The following ZMYND8 variants were observed in gnomAD, a reference collection of about 807,000 sequenced individuals.
ZMYND8 encodes zinc finger MYND-type containing 8, also known as MYND-type zinc finger-containing chromatin reader ZMYND8.
ZMYND8 carries 37 observed loss-of-function variants against 140.8 expected under a neutral mutation model. The ratio of observed to expected loss-of-function variants is 0.26; its 90% CI spans 0.20 to 0.35. The LOEUF (loss-of-function observed/expected upper bound fraction) is 0.35, where lower values mean the gene tolerates loss of function less well. ZMYND8 is among the 10% of genes least tolerant of loss of function. ZMYND8 has a pLI of 1.00. For missense variants in ZMYND8, 1,068 were observed against 1,570.0 expected (o/e 0.68, Z 5.40); for synonymous variants, 592 against 597.1 (o/e 0.99, Z 0.12).
At chr20:47,249,614 A>T (rs1052675551) in intron 12 of ZMYND8, among the ~76,000 whole-genome samples, 175 bp from the exon 13 acceptor site, 5 of 152,138 alleles carry the variant, frequency 3.3e-5, no homozygotes, top group African/African-American at 7.2e-5. Flanking sequence ...GGTGACATGA[A>T]GATAATGGCC....
chr20:47,310,497 T>TA (rs922967419), intron 2 of ZMYND8, among the ~76,000 whole-genome samples: 2 of 151,948 alleles, frequency 1.3e-5, no homozygotes, highest in South Asian at 2.1e-4. Flanking sequence ...TCACTTTTCT[T>TA]AAAAAAACAG....
chr20:47,293,795 C>T (rs1317931650), intron 5 of ZMYND8, among the ~76,000 whole-genome samples: 1 of 152,074 alleles, frequency 6.6e-6, no homozygotes, highest in Non-Finnish European at 1.5e-5. Context: ...CCCCACCCAA[C>T]CTCATCTCAA....
chr20:47,276,834 C>G (rs1235648134), intron 10 of ZMYND8, 39 bp from the exon 11 acceptor site: 3 of 1,491,084 alleles, frequency 2.0e-6, no homozygotes, highest in Non-Finnish European at 2.7e-6. Flanking sequence ...AAGTCAACTT[C>G]AGTAATTTCC....
rs1364433596 is a variant in ZMYND8, at chr20:47,300,637, T to C, written c.235-1690A>G. Among the ~76,000 whole-genome samples the C allele has an allele frequency of 2.0e-5, 3 of 152,352 alleles. No homozygotes were observed. The East Asian group carries it at 5.8e-4, about 29-fold the overall frequency. On this transcript the variant is annotated intron_variant, in intron 3 of 22. Transcript: ENST00000471951. ...ACTTTAACACGACTTTTCTTTTTAA[T>C]GGCTAGGACCTCCAAAATAATGTGC... is the stretch of plus-strand genomic sequence containing the variant.
chr20:47,256,535 G>A (rs1489172908), intron 12 of ZMYND8, among the ~76,000 whole-genome samples: 5 of 152,146 alleles, frequency 3.3e-5, no homozygotes, highest in African/African-American at 7.2e-5. Flanking sequence ...CAGGAGAATG[G>A]TGTGAACCCA....
At chr20:47,261,099 T>TA (rs746774093) in intron 12 of ZMYND8, among the ~76,000 whole-genome samples, 1 of 152,038 alleles carries the variant, frequency 6.6e-6, no homozygotes, top group Non-Finnish European at 1.5e-5. Context: ...TGCATGCCTG[T>TA]AATCCCAGCT....
chr20:47,322,441 T>A (rs1457652550), intron 2 of ZMYND8, among the ~76,000 whole-genome samples: 8 of 149,300 alleles, frequency 5.4e-5, no homozygotes, highest in Admixed American at 5.3e-4. Context: ...GGCATTTCTT[T>A]TTTTTTTTTT....
At chr20:47,292,393 A>G (rs1452949164) in intron 5 of ZMYND8, among the ~76,000 whole-genome samples, 1 of 151,956 alleles carries the variant, frequency 6.6e-6, no homozygotes, top group Non-Finnish European at 1.5e-5. Flanking sequence ...TCCTTGCCAC[A>G]CTCAACATAA....
rs370213736 is a variant in ZMYND8, at chr20:47,276,460, G to C, written c.1334C>G (p.Ser445Cys). ...VLSGGTGRRI[S>C]LSDMPRSPMS... ...GGGGGAGCGCGGCATATCCGACAAG[G>C]AAATCCGGCGGCCTGTGCCCCCACT... The change falls in exon 11 of 23, where the codon TCC becomes TGC. Residue 445 changes from serine (S) to cysteine (C), a missense_variant. Coordinates refer to ENST00000471951, the MANE Select transcript of ZMYND8 (RefSeq NM_001281775.3). 1.9e-6 allele frequency: 3 copies of C among 1,614,042 alleles called. No individual in the cohort carries two copies. Among genetic ancestry groups the C allele is most frequent in the Non-Finnish European group, 2.5e-6 (3 of 1,180,006 alleles).
intron 2 of ZMYND8, among the ~76,000 whole-genome samples, chr20:47,324,640 C>T (rs1463652394): frequency 6.6e-6 from 1 of 152,198 alleles, no homozygotes; most frequent in African/African-American, 2.4e-5. Flanking sequence ...TGACCTGATC[C>T]TGCCCACCTT....
At position 47,351,507 on chromosome 20, in the gene ZMYND8, G is replaced by A. The variant is rs41431348; in HGVS notation, c.15-3581C>T. On this transcript the variant is annotated intron_variant, in intron 1 of 22. Transcript: ENST00000471951. ...GCATCATTCGAAAGGACTTTTCCTG[G>A]TTTTTACTTTTCATTCAAAATACCA... Among the ~76,000 whole-genome samples, 14 of 152,260 alleles carry A rather than the reference G, an allele frequency of 9.2e-5. No homozygotes were observed. The East Asian group carries it at 2.5e-3, about 27-fold the overall frequency.
rs1406021487 is a variant in ZMYND8, at chr20:47,290,240, G to T, written c.695C>A (p.Ala232Asp). The stretch of plus-strand genomic sequence containing the variant: ...AATCCACTTTGCATCAGCCAGGAAG[G>T]CTTCTGTGCAGCCATACATTTTCTT... The part of the protein sequence containing the change: ...AKKKMYGCTE[A>D]FLADAKWILH... Residue 232 changes from alanine (A) to aspartate (D), a missense_variant, in exon 7 of 23, where the codon GCC becomes GAC. Around this residue, in one of 10 missense-constraint regions of ZMYND8, gnomAD observed 109 missense variants for 314.9 expected, o/e 0.35. Transcript: ENST00000471951. 1.2e-6 allele frequency: 2 copies of T among 1,613,392 alleles called. No homozygotes were observed. Among genetic ancestry groups the T allele is most frequent in the Admixed American group, 1.7e-5 (1 of 59,844 alleles).
chr20:47,233,209 T>C (rs1568936115), intron 16 of ZMYND8, among the ~76,000 whole-genome samples: 2 of 146,492 alleles, frequency 1.4e-5, no homozygotes, highest in African/African-American at 5.1e-5. Context: ...ACCAGGCTTT[T>C]TTTTTTTTTT....
chr20:47,277,305 G>A (rs1326989840), intron 10 of ZMYND8, among the ~76,000 whole-genome samples: 1 of 152,260 alleles, frequency 6.6e-6, no homozygotes, highest in Admixed American at 6.5e-5. Flanking sequence ...TCGCCTCCAG[G>A]CGTGCACTTT....
At position 47,310,356 on chromosome 20, in the gene ZMYND8, G is replaced by A. The variant is rs77856061; in HGVS notation, c.86-152C>T. 9.0e-4 allele frequency: 717 copies of A among 799,290 alleles called. 6 individuals carry two copies. The African/African-American group carries it at 0.012, about 13-fold the overall frequency. The allele number at this position is 799,290 out of a possible 1,614,324, so 49.5% of individuals were successfully genotyped here. A position where few individuals can be genotyped will look rare whatever the true frequency, so the allele number is the denominator to read the frequency against. On this transcript the variant is annotated intron_variant, in intron 2 of 22. Coordinates refer to ENST00000471951, the MANE Select transcript of ZMYND8 (RefSeq NM_001281775.3). The stretch of plus-strand genomic sequence containing the variant: ...CAGTGTTCCTCCTCCCAGAATATAC[G>A]TGCCCCCTTCTTCACTGTCTGCTTC...
intron 2 of ZMYND8, among the ~76,000 whole-genome samples, chr20:47,328,296 G>A (rs1415560563): frequency 1.3e-5 from 2 of 152,162 alleles, no homozygotes; most frequent in South Asian, 2.1e-4. Context: ...TATAAGCATG[G>A]AGAGGGTGGT....
chr20:47,253,083 C>T (rs1601293653), intron 12 of ZMYND8, among the ~76,000 whole-genome samples: 1 of 152,210 alleles, frequency 6.6e-6, no homozygotes, highest in African/African-American at 2.4e-5. Flanking sequence ...GCCTGAAAGC[C>T]GTAAAATCTG....
At chr20:47,306,852 A>G (rs2078525979) in intron 3 of ZMYND8, among the ~76,000 whole-genome samples, 1 of 152,208 alleles carries the variant, frequency 6.6e-6, no homozygotes. Context: ...TCAAAAGAAC[A>G]TGGACATGGA....
In ZMYND8 at chr20:47,329,244, T is replaced by C. The variant is rs530314637; in HGVS notation, c.85+18612A>G. Among the ~76,000 whole-genome samples, 6 of 152,300 alleles carry C rather than the reference T, an allele frequency of 3.9e-5. No individual in the cohort carries two copies. In the South Asian group the frequency reaches 1.2e-3, roughly 32 times the overall value. ...AACAAATCCATTAATCTACTAAGGC[T>C]ACGGAACAGTGTGATCCAATCAAGC... On this transcript the variant is annotated intron_variant, in intron 2 of 22. Transcript: ENST00000471951.
Sources: gnomAD v4.1 joint callset for allele counts (sites outside exome capture counted in the v4.1 genomes callset) on GRCh38, gnomAD v4.1.1 for gene constraint, gnomAD v4.1.1 regional missense constraint, MANE v1.5 for transcripts, NCBI Gene and HGNC (gene_info 2026-07-23, HGNC 2026-07-21) for gene names.